PTPN20: variants seen among roughly 807,000 people sequenced by gnomAD.
PTPN20 encodes protein tyrosine phosphatase non-receptor type 20.
PTPN20 carries 9 observed loss-of-function variants against 35.0 expected under a neutral mutation model. That is an observed-to-expected ratio of 0.26 (90% CI 0.15 to 0.45). The LOEUF (loss-of-function observed/expected upper bound fraction) is 0.45. PTPN20 is among the 20% of genes least tolerant of loss of function. The pLI is 1.00. For synonymous variants in PTPN20, 32 were observed against 100.2 expected, an observed-to-expected ratio of 0.32 and a Z score of 4.06; for missense variants, 111 against 312.5, an observed-to-expected ratio of 0.36 and a Z score of 4.86.
intron 7 of PTPN20, among the ~76,000 whole-genome samples, chr10:46,982,407 T>C (rs1302516839): frequency 1.3e-5 from 2 of 151,492 alleles, no homozygotes; most frequent in African/African-American, 4.8e-5. Flanking sequence ...AATTATTTCT[T>C]TTCTGCAGTG....
At chr10:46,925,312 G>A (rs2036853463) in intron 1 of PTPN20, among the ~76,000 whole-genome samples, 1 of 148,004 alleles carries the variant, frequency 6.8e-6, no homozygotes, top group East Asian at 2.0e-4. Context: ...CCCAAAACAT[G>A]AGTACCATTT....
chr10:46,999,158 A>G (rs1000666132), intron 9 of PTPN20, among the ~76,000 whole-genome samples: 1 of 152,222 alleles, frequency 6.6e-6, no homozygotes, highest in Non-Finnish European at 1.5e-5. Context: ...ATGATAAGCT[A>G]TGAAAATAAA....
downstream of PTPN20, among the ~76,000 whole-genome samples, chr10:47,002,775 A>G (rs1327958689): frequency 6.6e-6 from 1 of 151,954 alleles, no homozygotes; most frequent in Non-Finnish European, 1.5e-5. Context: ...TCAGAAATAA[A>G]CATCTTAGAT....
At chr10:46,995,433 A>G (rs1429256952) in intron 9 of PTPN20, among the ~76,000 whole-genome samples, 1 of 150,902 alleles carries the variant, frequency 6.6e-6, no homozygotes, top group Non-Finnish European at 1.5e-5. Flanking sequence ...CCAGTAAACA[A>G]TAAGAGAGCT....
At chr10:46,941,499 C>T (rs1484930277) in intron 3 of PTPN20, among the ~76,000 whole-genome samples, 12 of 125,820 alleles carry the variant, frequency 9.5e-5, no homozygotes, top group African/African-American at 3.5e-4. Context: ...CTGTTAGTGC[C>T]GTGTTGGGCT....
intron 9 of PTPN20, among the ~76,000 whole-genome samples, chr10:46,992,365 C>T: frequency 6.6e-6 from 1 of 152,174 alleles, no homozygotes; most frequent in East Asian, 1.9e-4. Context: ...CCAAGAGATC[C>T]TCCCACCTCA....
chr10:46,983,544 G>C, intron 7 of PTPN20, among the ~76,000 whole-genome samples: 1 of 147,632 alleles, frequency 6.8e-6, no homozygotes, highest in South Asian at 2.3e-4. Context: ...AAGGTTAGTA[G>C]GCCAAATAGC....
At chr10:46,920,573 G>A (rs1326313146) in intron 1 of PTPN20, among the ~76,000 whole-genome samples, 5 of 146,360 alleles carry the variant, frequency 3.4e-5, no homozygotes, top group Admixed American at 2.7e-4. Context: ...AGGGGATGAA[G>A]CTCCCCAGAG....
intron 7 of PTPN20, among the ~76,000 whole-genome samples, chr10:46,968,560 T>C (rs2135826821): frequency 6.6e-6 from 1 of 152,326 alleles, no homozygotes; most frequent in Non-Finnish European, 1.5e-5. Flanking sequence ...GCACCTTCTG[T>C]CCTCCTCACT....
rs1259985755 is a variant in PTPN20, at chr10:46,945,429, T to C, written c.228-1134T>C. On this transcript the variant is annotated intron_variant, in intron 4 of 10. Transcript: ENST00000374339. ...AGAAAAGAGTAAGAAACCCGAATTTTCTTACAGAAGTAAAAGAAAAAGGCA... is the reference window on the plus strand; with the variant it reads ...AGAAAAGAGTAAGAAACCCGAATTTCCTTACAGAAGTAAAAGAAAAAGGCA... 6.6e-5 allele frequency among the ~76,000 whole-genome samples: 10 copies of C among 152,254 alleles called. No individual in the cohort carries two copies. The East Asian group carries it at 9.7e-4, about 15-fold the overall frequency.
chr10:46,953,825 G>T (rs1337332535), intron 5 of PTPN20, among the ~76,000 whole-genome samples: 72 of 146,710 alleles, frequency 4.9e-4, no homozygotes, highest in African/African-American at 1.8e-3. Context: ...TTTTCCTGAA[G>T]ACTTTTTTTG....
At chr10:46,996,525 G>A (rs2059133676) in intron 9 of PTPN20, among the ~76,000 whole-genome samples, 1 of 152,034 alleles carries the variant, frequency 6.6e-6, no homozygotes, top group Non-Finnish European at 1.5e-5. Flanking sequence ...TTCCTTTTAT[G>A]GATCATGTTT....
chr10:46,956,527 GC>G (rs2048471544), intron 5 of PTPN20, among the ~76,000 whole-genome samples: 1 of 142,346 alleles, frequency 7.0e-6, no homozygotes, highest in Non-Finnish European at 1.5e-5. Flanking sequence ...CCATTAAATG[GC>G]CTTGACAACT....
intron 1 of PTPN20, among the ~76,000 whole-genome samples, chr10:46,930,421 G>T (rs1453952150): frequency 4.0e-5 from 6 of 151,398 alleles, no homozygotes; most frequent in South Asian, 2.1e-4. Flanking sequence ...AATTAAAATT[G>T]TACTATTTTG....
chr10:46,988,409 A>T, intron 9 of PTPN20, among the ~76,000 whole-genome samples: 1 of 146,310 alleles, frequency 6.8e-6, no homozygotes, highest in Admixed American at 6.8e-5. Flanking sequence ...CTTCTTTCCT[A>T]GCTCTTTAAA....
At chr10:46,940,061 G>A (rs1371032610) in intron 2 of PTPN20, among the ~76,000 whole-genome samples, 1 of 151,792 alleles carries the variant, frequency 6.6e-6, no homozygotes, top group African/African-American at 2.4e-5. Flanking sequence ...AAGAGTCTGT[G>A]CAGTAAAATT....
At position 46,955,485 on chromosome 10, in the gene PTPN20, CATAAT is replaced by C. The variant is rs1188785312; in HGVS notation, c.340+8811_340+8815del. On this transcript the variant is annotated intron_variant, in intron 5 of 10. Transcript: ENST00000374339. The stretch of plus-strand genomic sequence containing the variant: ...ATATTCAATTTTAAAGGAAGTGGAT[CATAAT>C]TTCCCACCTCTTAAGTGTGGGTTGC... 9.9e-4 allele frequency among the ~76,000 whole-genome samples: 150 copies of C among 151,740 alleles called. 2 individuals are homozygous for C. The highest frequency in any genetic ancestry group is 1.5e-3 in the Non-Finnish European group (105 of 67,902).
chr10:46,981,543 A>G (rs1589821940), intron 7 of PTPN20: 2 of 141,456 alleles, frequency 1.4e-5, no homozygotes, highest in Admixed American at 1.4e-4. Context: ...TAATGCATGG[A>G]GCAGTGCTTT....
At chr10:46,995,498 G>A (rs2058936130) in intron 9 of PTPN20, among the ~76,000 whole-genome samples, 1 of 152,054 alleles carries the variant, frequency 6.6e-6, no homozygotes, top group Non-Finnish European at 1.5e-5. Flanking sequence ...TGTGGGAAAG[G>A]TGGCTAGAGA....
Sources: allele counts gnomAD v4.1 joint callset (sites outside exome capture counted in the v4.1 genomes callset), GRCh38; gene constraint gnomAD v4.1.1; transcripts MANE v1.5; gene names NCBI Gene and HGNC (gene_info 2026-07-23, HGNC 2026-07-21).